Variants in RBM26 observed in about 807,000 individuals in gnomAD.
The protein encoded by RBM26 is RNA-binding protein 26.
In RBM26, 30 loss-of-function variants were observed where a neutral mutation model predicts 123.6. The observed-to-expected ratio is 0.24, with a 90% confidence interval of 0.18 to 0.33. RBM26 has a LOEUF of 0.33. Ranked by LOEUF, RBM26 falls within the 10% of genes least tolerant of loss-of-function variation. The probability of loss-of-function intolerance (pLI) is 1.00; values close to 1 mark genes in which losing one functional copy is unlikely to be tolerated. For synonymous variants in RBM26, 400 were observed against 404.4 expected (o/e 0.99, Z 0.13); for missense variants, 947 against 1,203.6 (o/e 0.79, Z 3.15).
At chr13:79,375,046 A>G (rs1010376878) in intron 3 of RBM26, among the ~76,000 whole-genome samples, 3 of 112,704 alleles carry the variant, frequency 2.7e-5, no homozygotes, top group Non-Finnish European at 2.1e-5. Context: ...TTTTTTATAT[A>G]CTATATATTT....
chr13:79,314,030 C>A (rs1176753481), downstream of RBM26: 1 of 151,694 alleles, frequency 6.6e-6, no homozygotes, highest in Non-Finnish European at 1.5e-5. Context: ...AAGGAATACT[C>A]AGAAACTAAG....
intron 20 of RBM26, among the ~76,000 whole-genome samples, 157 bp downstream of exon 20, chr13:79,334,187 T>C (rs2069914203): frequency 1.3e-5 from 2 of 152,206 alleles, no homozygotes; most frequent in African/African-American, 4.8e-5. Flanking sequence ...ATAACTGCAT[T>C]AGGACATTCT....
intron 11 of RBM26, 106 bp from the exon 12 acceptor site, chr13:79,355,490 G>T: frequency 1.3e-6 from 1 of 788,370 alleles, no homozygotes; most frequent in Non-Finnish European, 2.0e-6. Context: ...GTAAGATTCT[G>T]TATTTATACT....
intron 1 of RBM26, among the ~76,000 whole-genome samples, chr13:79,386,059 T>C (rs764709469): frequency 1.5e-4 from 22 of 151,556 alleles, no homozygotes; most frequent in East Asian, 7.7e-4. Flanking sequence ...CTATGATAAA[T>C]AGCCTCACCT....
intron 1 of RBM26, among the ~76,000 whole-genome samples, chr13:79,402,059 C>T (rs55964645): frequency 1.3e-5 from 2 of 149,014 alleles, no homozygotes; most frequent in African/African-American, 4.9e-5. Context: ...ATGTGTAAGT[C>T]CACCTAAAAG....
intron 5 of RBM26, 37 bp from the exon 6 acceptor site, chr13:79,369,027 G>A: frequency 2.4e-6 from 3 of 1,268,564 alleles, no homozygotes; most frequent in Middle Eastern, 2.1e-4. Context: ...AAACTACACT[G>A]TATTAAAAAA....
chr13:79,401,733 G>A (rs1410192144), intron 1 of RBM26, among the ~76,000 whole-genome samples: 2 of 152,162 alleles, frequency 1.3e-5, no homozygotes, highest in African/African-American at 4.8e-5. Flanking sequence ...TTCAACTATA[G>A]ATGGAAATAC....
chr13:79,396,687 C>A (rs2078594724), intron 1 of RBM26, among the ~76,000 whole-genome samples: 2 of 150,712 alleles, frequency 1.3e-5, no homozygotes, highest in South Asian at 4.2e-4. Context: ...AAAAATAGAA[C>A]CCTAAATAAA....
intron 1 of RBM26, 50 bp downstream of exon 1, chr13:79,405,654 G>A (rs1171998586): frequency 4.4e-6 from 6 of 1,349,416 alleles, no homozygotes; most frequent in African/African-American, 2.9e-5. Context: ...CTCTGGGTCC[G>A]CCTATCTCCC....
intron 1 of RBM26, 35 bp from the exon 2 acceptor site, chr13:79,378,942 C>G: frequency 8.1e-7 from 1 of 1,235,986 alleles, no homozygotes; most frequent in Non-Finnish European, 1.2e-6. Flanking sequence ...GAAAATTTAG[C>G]CAACTGCACA....
At chr13:79,392,193 A>G (rs2078126769) in intron 1 of RBM26, among the ~76,000 whole-genome samples, 2 of 94,068 alleles carry the variant, frequency 2.1e-5, no homozygotes, top group Admixed American at 3.4e-4. Context: ...ATTATTATAT[A>G]ATTATATATT....
intron 20 of RBM26, among the ~76,000 whole-genome samples, chr13:79,323,640 C>A (rs920835038): frequency 1.3e-5 from 2 of 151,510 alleles, no homozygotes; most frequent in African/African-American, 2.4e-5. Context: ...AAAAATTCAC[C>A]TAAAAAGCAA....
intron 14 of RBM26, among the ~76,000 whole-genome samples, chr13:79,347,807 T>TA (rs34921250): frequency 0.48 from 72,909 of 151,512 alleles, 18,059 homozygotes; most frequent in East Asian, 0.72. Flanking sequence ...AGTACAATAC[T>TA]AAAAAAAATA....
chr13:79,328,683 T>TAAAAAAAAAAA (rs747906560), intron 20 of RBM26, among the ~76,000 whole-genome samples: 2 of 38,480 alleles, frequency 5.2e-5, no homozygotes, highest in African/African-American at 1.1e-4. Context: ...CTGCATTAAG[T>TAAAAAAAAAAA]AAAAAAAAAA....
intron 20 of RBM26, among the ~76,000 whole-genome samples, chr13:79,331,116 T>A (rs1593994111): frequency 1.3e-5 from 2 of 152,208 alleles, no homozygotes; most frequent in South Asian, 2.1e-4. Flanking sequence ...GCTCAGGTGA[T>A]CCTCCCACCT....
chr13:79,313,586 A>C (rs1441904529), exon 5 of RBM26: 5 of 151,778 alleles, frequency 3.3e-5, no homozygotes, highest in African/African-American at 7.2e-5. Flanking sequence ...ATTTGGGGAA[A>C]TATTTATGAA....
At chr13:79,391,059 C>G (rs2077933017) in intron 1 of RBM26, among the ~76,000 whole-genome samples, 1 of 152,104 alleles carries the variant, frequency 6.6e-6, no homozygotes, top group Non-Finnish European at 1.5e-5. Context: ...AATAAAAATA[C>G]ATAAATAAGG....
At chr13:79,345,847 G>A (rs184317006) in intron 14 of RBM26, among the ~76,000 whole-genome samples, 278 of 150,784 alleles carry the variant, frequency 1.8e-3, no homozygotes, top group Admixed American at 3.0e-3. Context: ...ACAACGGTCA[G>A]CTCAAAAAAA....
intron 12 of RBM26, among the ~76,000 whole-genome samples, chr13:79,354,929 A>G (rs1222808988): frequency 6.6e-6 from 1 of 152,224 alleles, no homozygotes; most frequent in African/African-American, 2.4e-5. Flanking sequence ...AGATGAACCT[A>G]CAGTCTAAAT....
Sources: gnomAD v4.1 joint callset for allele counts (sites outside exome capture counted in the v4.1 genomes callset) on GRCh38, gnomAD v4.1.1 for gene constraint, MANE v1.5 for transcripts, NCBI Gene and HGNC (gene_info 2026-07-23, HGNC 2026-07-21) for gene names.